KMT2A: variants seen among roughly 807,000 people sequenced by gnomAD.
The protein encoded by KMT2A is lysine methyltransferase 2A.
In KMT2A, 16 loss-of-function variants were observed where a neutral mutation model predicts 345.3. The ratio of observed to expected loss-of-function variants is 0.05; its 90% CI spans 0.03 to 0.07. The LOEUF is 0.07. Ranked by LOEUF, KMT2A falls within the 10% of genes least tolerant of loss-of-function variation. The probability of loss-of-function intolerance (pLI) is 1.00; values close to 1 mark genes in which losing one functional copy is unlikely to be tolerated. For missense variants in KMT2A, 3,272 were observed against 4,841.6 expected, an observed-to-expected ratio of 0.68 and a Z score of 9.62; for synonymous variants, 1,599 against 1,778.6, an observed-to-expected ratio of 0.90 and a Z score of 2.54.
In KMT2A at chr11:118,496,109, T is replaced by C; in HGVS notation, c.5558-152T>C. The C allele has an allele frequency of 2.9e-6, 2 of 698,452 alleles. No homozygotes were observed. Among genetic ancestry groups the C allele is most frequent in the South Asian group, 1.8e-5 (1 of 54,248 alleles). The allele number at this position is 698,452 out of a possible 1,614,324, so 43.3% of individuals were successfully genotyped here. ...GAGTATTGTAACATAGATGATGAGGTAGCGTAACTCTGAACACTTTTTGAA... is the reference window on the plus strand; with the variant it reads ...GAGTATTGTAACATAGATGATGAGGCAGCGTAACTCTGAACACTTTTTGAA... On this transcript the variant is annotated intron_variant, in intron 19 of 35. Coordinates refer to ENST00000534358, the MANE Select transcript of KMT2A (RefSeq NM_001197104.2). The surrounding 1 kb of genome is among the most constrained non-coding windows in gnomAD (Gnocchi z 4.7).
chr11:118,466,041 G>A (rs1949837532), intron 1 of KMT2A, among the ~76,000 whole-genome samples: 1 of 152,128 alleles, frequency 6.6e-6, no homozygotes, highest in African/African-American at 2.4e-5. Context: ...TTAAGATGAA[G>A]AGAGATAATT....
chr11:118,512,006 A>G lies in KMT2A; in HGVS notation c.11127A>G (p.Leu3709=). Residue 3709 remains leucine, a synonymous_variant, in exon 31 of 36, where the codon CTA becomes CTG. Coordinates refer to ENST00000534358, the MANE Select transcript of KMT2A (RefSeq NM_001197104.2). The part of the protein sequence containing the change: ...KVQEARSNAR[L]KQLSFAGVNG... ...AGGAAGCTCGATCAAATGCCCGCCT[A>G]AAGCAGCTCTCATTTGCAGGTAATG... 6.2e-7 allele frequency: 1 copy of G among 1,614,086 alleles called. No individual in the cohort carries two copies.
rs201348021 is a variant in KMT2A, at chr11:118,498,567, A to G, written c.5961+39A>G. Reference sequence around the variant, plus strand: ...AGTTGCTTTAAAAAAAAAAAAAAAGACTTTTTTAGAGCAGTTTTAGGTTCA... The same window carrying G: ...AGTTGCTTTAAAAAAAAAAAAAAAGGCTTTTTTAGAGCAGTTTTAGGTTCA... On this transcript the variant is annotated intron_variant, in intron 22 of 35. Transcript: ENST00000534358. This position sits in a 1 kb window ranked among gnomAD's most constrained non-coding sequence, Gnocchi z 4.4. The G allele has an allele frequency of 5.4e-4, 824 of 1,515,622 alleles. 12 individuals carry two copies. The East Asian group carries it at 0.014, about 26-fold the overall frequency. The allele number at this position is 1,515,622 out of a possible 1,614,324, so 93.9% of individuals were successfully genotyped here. A position where few individuals can be genotyped will look rare whatever the true frequency, so the allele number is the denominator to read the frequency against.
In KMT2A at chr11:118,474,269, T is replaced by C. The variant is rs2134273544; in HGVS notation, c.3110T>C (p.Ile1037Thr). Reference sequence around the variant, plus strand: ...AAGGCCAAAGCTCAGCTCTGCAAGATTGAGAAGAGTAAGAGTCTTAAACAA... The same window carrying C: ...AAGGCCAAAGCTCAGCTCTGCAAGACTGAGAAGAGTAAGAGTCTTAAACAA... ...LKKAKAQLCKIEKSKSLKQTD... is the reference protein window; with the variant it reads ...LKKAKAQLCKTEKSKSLKQTD... The change falls in exon 3 of 36, where the codon ATT becomes ACT. Residue 1037 changes from isoleucine (I) to threonine (T), a missense_variant. Physicochemically the swap from Ile to Thr is moderately conservative, Grantham distance 89 (BLOSUM62 -1). Transcript: ENST00000534358. 6.2e-7 allele frequency: 1 copy of C among 1,614,044 alleles called. No homozygotes were observed. Among genetic ancestry groups the C allele is most frequent in the Non-Finnish European group, 8.5e-7 (1 of 1,180,000 alleles).
intron 1 of KMT2A, chr11:118,450,501 C>A (rs1949514112): frequency 6.6e-6 from 1 of 152,100 alleles, no homozygotes; most frequent in Non-Finnish European, 1.5e-5. Context: ...ATTTGTGTTT[C>A]TTAGGTGACA....
At chr11:118,445,260 A>G (rs1555026851) in intron 1 of KMT2A, among the ~76,000 whole-genome samples, 2 of 152,220 alleles carry the variant, frequency 1.3e-5, no homozygotes, top group African/African-American at 2.4e-5. Flanking sequence ...CAACTAAAGC[A>G]TATTAAAGAT....
rs1185271064 is a variant in KMT2A, at chr11:118,493,228, G to A, written c.5176G>A (p.Val1726Met). The change falls in exon 16 of 36, where the codon GTG (valine) becomes ATG (methionine). Residue 1726 changes from valine (V) to methionine (M), a missense_variant and splice_region_variant. By Grantham distance (21) the Val-to-Met change is conservative. Around this residue, in one of 27 missense-constraint regions of KMT2A, gnomAD observed 235 missense variants for 503.4 expected, o/e 0.47. Coordinates refer to ENST00000534358, the MANE Select transcript of KMT2A (RefSeq NM_001197104.2). The surrounding 1 kb of genome is among the most constrained non-coding windows in gnomAD (Gnocchi z 5.8). Reference protein sequence around the residue: ...RKMDQGNYTSVLEFSDDIVKI... With the variant: ...RKMDQGNYTSMLEFSDDIVKI... ...GATGGACCAAGGGAATTACACATCTGTGGTATGTTTCTACAGTGAGCCATC... is the reference window on the plus strand; with the variant it reads ...GATGGACCAAGGGAATTACACATCTATGGTATGTTTCTACAGTGAGCCATC... 1.2e-6 allele frequency: 2 copies of A among 1,613,686 alleles called. No individual in the cohort carries two copies. The highest frequency in any genetic ancestry group is 2.7e-5 in the African/African-American group (2 of 74,938).
At chr11:118,469,823 A>G (rs1949912406) in intron 2 of KMT2A, among the ~76,000 whole-genome samples, 1 of 152,196 alleles carries the variant, frequency 6.6e-6, no homozygotes, top group Non-Finnish European at 1.5e-5. Flanking sequence ...ATTATCATCT[A>G]ATTCAAACAT....
chr11:118,486,311 A>G (rs1950228128), intron 10 of KMT2A, among the ~76,000 whole-genome samples: 1 of 151,972 alleles, frequency 6.6e-6, no homozygotes, highest in Non-Finnish European at 1.5e-5. Context: ...AACAATCTGG[A>G]AGGATTCACA....
rs2134311091 is a variant in KMT2A, at chr11:118,484,192, C to T, written c.4096C>T (p.Pro1366Ser). ...KQKPKEKEKP[P>S]PVNKQENAGT... ...TCTTTTGTCTCCTTAGGAAAAACCA[C>T]CTCCGGTCAATAAGCAGGAGAATGC... is the stretch of plus-strand genomic sequence containing the variant. The change falls in exon 9 of 36, where the codon CCT (proline) becomes TCT (serine). Residue 1366 changes from proline to serine, a missense_variant. Physicochemically the swap from Pro to Ser is moderately conservative, Grantham distance 74. Coordinates refer to ENST00000534358, the MANE Select transcript of KMT2A (RefSeq NM_001197104.2). The surrounding 1 kb of genome is among the most constrained non-coding windows in gnomAD (Gnocchi z 4.1). The T allele has an allele frequency of 1.2e-6, 2 of 1,614,132 alleles. No individual in the cohort carries two copies. Among genetic ancestry groups the T allele is most frequent in the Admixed American group, 1.7e-5 (1 of 60,024 alleles).
intron 30 of KMT2A, 77 bp from the exon 31 acceptor site, chr11:118,511,874 C>T: frequency 1.8e-6 from 2 of 1,099,676 alleles, no homozygotes; most frequent in Non-Finnish European, 2.8e-6. Flanking sequence ...CTAAGCAGTG[C>T]TTGTGCACAT....
At chr11:118,512,105 G>GA (rs1250855818) in intron 31 of KMT2A, 80 bp downstream of exon 31, 870 of 1,321,004 alleles carry the variant, frequency 6.6e-4, no homozygotes, top group Non-Finnish European at 8.2e-4. Context: ...TTGATTCTGT[G>GA]AAAAAAAAAT....
rs1472378709 is a variant in KMT2A at position 118,496,940 on chromosome 11, G to C, written c.5664+573G>C. Among the ~76,000 whole-genome samples the C allele has an allele frequency of 1.3e-5, 2 of 152,142 alleles. No individual in the cohort carries two copies. Among genetic ancestry groups the C allele is most frequent in the African/African-American group, 4.8e-5 (2 of 41,428 alleles). On this transcript the variant is annotated intron_variant, in intron 20 of 35. Transcript: ENST00000534358. This position sits in a 1 kb window ranked among gnomAD's most constrained non-coding sequence, Gnocchi z 4.7. ...ATTTGGTGCCTGGCACACACAGTAA[G>C]CTACAATTTTTTTAAAAGTTTTTTG...
rs547753576 is a variant in KMT2A at position 118,526,737 on chromosome 11, TA to T, written c.*4573del. On this transcript the variant is annotated 3_prime_UTR_variant, in exon 36 of 36. Coordinates refer to ENST00000534358, the MANE Select transcript of KMT2A (RefSeq NM_001197104.2). ...TAAAAGTAAAAAGTGTACATAGTTG[TA>T]AAAAAAAGGAGTTTTTAAACATGTT... The T allele has an allele frequency of 3.5e-5, 8 of 229,600 alleles. No individual in the cohort carries two copies. The highest frequency in any genetic ancestry group is 6.3e-5 in the East Asian group (1 of 15,916). The allele number at this position is 229,600 out of a possible 1,614,324, so 14.2% of individuals were successfully genotyped here. A position where few individuals can be genotyped will look rare whatever the true frequency, so the allele number is the denominator to read the frequency against.
intron 5 of KMT2A, 28 bp downstream of exon 5, chr11:118,478,229 T>G: frequency 1.3e-6 from 2 of 1,546,786 alleles, no homozygotes; most frequent in Non-Finnish European, 8.9e-7. Context: ...TCTGAGATGT[T>G]GACCTCTCAA....
In KMT2A at chr11:118,481,967, A is replaced by C; in HGVS notation, c.3887A>C (p.Lys1296Thr). 6.2e-7 allele frequency: 1 copy of C among 1,614,234 alleles called. No homozygotes were observed. The highest frequency in any genetic ancestry group is 8.5e-7 in the Non-Finnish European group (1 of 1,180,050). ...ATTPASRKSS[K>T]QVSQPALVIP... ...ACTCCAGCTTCCAGGAAGTCAAGCA[A>C]GCAGGTCTCCCAGCCAGCACTGGTC... The change falls in exon 7 of 36, where the codon AAG becomes ACG. Residue 1296 changes from lysine to threonine, a missense_variant. Lys to Thr is a moderately conservative substitution (Grantham distance 78). Transcript: ENST00000534358.
In KMT2A at chr11:118,476,305, T is replaced by C. The variant is rs9332782; in HGVS notation, c.3157-500T>C. On this transcript the variant is annotated intron_variant, in intron 3 of 35. Transcript: ENST00000534358. The surrounding 1 kb of genome is among the most constrained non-coding windows in gnomAD (Gnocchi z 4.1). ...CCGTATTTATACCACACTGAACTTT[T>C]TGATAATATAGACTGGCAGCTTGAA... is the stretch of plus-strand genomic sequence containing the variant. 0.018 allele frequency among the ~76,000 whole-genome samples: 2,699 copies of C among 152,298 alleles called. 37 individuals are homozygous for C. Among genetic ancestry groups the C allele is most frequent in the Non-Finnish European group, 0.025 (1,690 of 68,014 alleles).
chr11:118,509,992 C>T lies in KMT2A; in HGVS notation c.10945C>T (p.Leu3649=), dbSNP rs2134431029. 4 of 1,613,494 alleles carry T rather than the reference C, an allele frequency of 2.5e-6. No individual in the cohort carries two copies. The highest frequency in any genetic ancestry group is 3.4e-6 in the Non-Finnish European group (4 of 1,179,570). The change falls in exon 30 of 36, where the codon CTG becomes TTG. Residue 3649 remains leucine, a synonymous_variant. Transcript: ENST00000534358. The part of the protein sequence containing the change: ...EEEESNFSSP[L]MLWLQQEQKR... ...AGAGGAAAGTAATTTCAGCTCCCCA[C>T]TGATGCTTTGGCTTCAGCAAGAACA...
At position 118,524,103 on chromosome 11, in the gene KMT2A, T is replaced by C. The variant is rs1279538296; in HGVS notation, c.*1931T>C. ...CATTTTTGCATCACCATCTGCCTCA[T>C]AGGCCACTCTTTCCTTTCCCTCTGC... On this transcript the variant is annotated 3_prime_UTR_variant, in exon 36 of 36. Coordinates refer to ENST00000534358, the MANE Select transcript of KMT2A (RefSeq NM_001197104.2). 1 of 186,636 alleles carries C rather than the reference T, an allele frequency of 5.4e-6. No homozygotes were observed. Among genetic ancestry groups the C allele is most frequent in the East Asian group, 8.6e-5 (1 of 11,604 alleles). 11.6% of individuals were successfully genotyped at this position (186,636 alleles called of 1,614,324 possible).
Sources: gnomAD v4.1 joint callset for allele counts (sites outside exome capture counted in the v4.1 genomes callset) on GRCh38, gnomAD v4.1.1 for gene constraint, gnomAD v4.1.1 regional missense constraint, Gnocchi (gnomAD v3.1) non-coding constraint, MANE v1.5 for transcripts, NCBI Gene and HGNC (gene_info 2026-07-23, HGNC 2026-07-21) for gene names.